TJP2: variants seen among roughly 807,000 people sequenced by gnomAD.
TJP2 encodes the protein Friedreich ataxia region gene X104 (tight junction protein ZO-2).
TJP2 carries 91 observed loss-of-function variants against 133.1 expected under a neutral mutation model. The ratio of observed to expected loss-of-function variants is 0.68; its 90% confidence interval spans 0.58 to 0.81. TJP2 has a LOEUF of 0.81. Ranked by LOEUF, TJP2 falls within the 40% of genes least tolerant of loss-of-function variation. The pLI is 0.00. For missense variants in TJP2, 1,541 were observed against 1,565.6 expected, an observed-to-expected ratio of 0.98 and a Z score of 0.26; for synonymous variants, 592 against 583.4, an observed-to-expected ratio of 1.01 and a Z score of -0.21.
chr9:69,188,723 T>G (rs7850766), intron 1 of TJP2, among the ~76,000 whole-genome samples: 1 of 151,894 alleles, frequency 6.6e-6, no homozygotes, highest in East Asian at 1.9e-4. Context: ...AGGTATTAAG[T>G]GATTATGTAT....
intron 1 of TJP2, among the ~76,000 whole-genome samples, chr9:69,151,452 C>T (rs957902480): frequency 5.3e-5 from 6 of 113,560 alleles, no homozygotes; most frequent in African/African-American, 1.8e-4. Context: ...TGCACTCTAG[C>T]CTGGGCAACA....
chr9:69,224,499 G>A (rs1378344716), intron 5 of TJP2, among the ~76,000 whole-genome samples: 2 of 152,108 alleles, frequency 1.3e-5, no homozygotes, highest in Admixed American at 1.3e-4. Flanking sequence ...CCTACATGGT[G>A]AAACCCTGTC....
chr9:69,232,512 C>T (rs1375897411), intron 11 of TJP2, among the ~76,000 whole-genome samples: 2 of 152,140 alleles, frequency 1.3e-5, no homozygotes, highest in Non-Finnish European at 2.9e-5. Flanking sequence ...TGTTTCAATG[C>T]TCCTTTTCAT....
intron 2 of TJP2, among the ~76,000 whole-genome samples, chr9:69,153,424 A>G (rs1823586778): frequency 6.6e-6 from 1 of 152,130 alleles, no homozygotes; most frequent in African/African-American, 2.4e-5. Context: ...CTCTGCAAAA[A>G]ATACAAAATA....
At chr9:69,150,789 A>C (rs189744893) in intron 1 of TJP2, among the ~76,000 whole-genome samples, 160 of 152,344 alleles carry the variant, frequency 1.1e-3, no homozygotes, top group Middle Eastern at 6.8e-3. Flanking sequence ...TTCTGAGAGA[A>C]ATGAAAACAT....
intron 1 of TJP2, among the ~76,000 whole-genome samples, chr9:69,193,526 AC>A (rs968219091): frequency 1.0e-4 from 15 of 148,548 alleles, no homozygotes; most frequent in Non-Finnish European, 1.6e-4. Flanking sequence ...AAAAAAAAAA[AC>A]GTCAGCCCAT....
intron 1 of TJP2, among the ~76,000 whole-genome samples, chr9:69,201,691 A>G (rs1827006173): frequency 6.6e-6 from 1 of 152,220 alleles, no homozygotes; most frequent in African/African-American, 2.4e-5. Flanking sequence ...TATAGCCAAG[A>G]GGTGAAAGTA....
At chr9:69,233,050 T>C (rs1214426856) in intron 11 of TJP2, among the ~76,000 whole-genome samples, 1 of 152,188 alleles carries the variant, frequency 6.6e-6, no homozygotes. Context: ...TATATGTAGA[T>C]ACAGATGTAG....
chr9:69,200,312 T>TA (rs776555278), intron 1 of TJP2, among the ~76,000 whole-genome samples: 9 of 152,280 alleles, frequency 5.9e-5, no homozygotes, highest in East Asian at 5.8e-4. Flanking sequence ...GGTTGGGACA[T>TA]ACCTCCCTCC....
chr9:69,191,836 A>G (rs1826223977), intron 1 of TJP2, among the ~76,000 whole-genome samples: 1 of 151,866 alleles, frequency 6.6e-6, no homozygotes, highest in Non-Finnish European at 1.5e-5. Flanking sequence ...TCCCAGGTTC[A>G]AGCGATTTTC....
chr9:69,205,942 C>A (rs1313932543), intron 1 of TJP2, among the ~76,000 whole-genome samples: 1 of 151,882 alleles, frequency 6.6e-6, no homozygotes, highest in Admixed American at 6.6e-5. Context: ...AGGATTTTTA[C>A]CTATCTGGCC....
Position 69,205,370 on chromosome 9 carries a change from T to C in TJP2, c.61-7178T>C, listed in dbSNP as rs953972471. 3.4e-6 allele frequency: 5 copies of C among 1,486,022 alleles called. No homozygotes were observed. The East Asian group carries it at 9.9e-5, about 29-fold the overall frequency. The allele number at this position is 1,486,022 out of a possible 1,614,324, so 92.1% of individuals were successfully genotyped here. A position where few individuals can be genotyped will look rare whatever the true frequency, so the allele number is the denominator to read the frequency against. On this transcript the variant is annotated intron_variant, in intron 1 of 22. Coordinates refer to ENST00000377245, the MANE Select transcript of TJP2 (RefSeq NM_004817.4). ...CTTCTGGCATCTTTCAGCAACAAAT[T>C]GTGAGATTGTAGGTTGTAGTCACTG...
intron 11 of TJP2, among the ~76,000 whole-genome samples, chr9:69,232,582 G>A: frequency 6.6e-6 from 1 of 152,132 alleles, no homozygotes; most frequent in Non-Finnish European, 1.5e-5. Flanking sequence ...ATTCTGTTGT[G>A]GGGTTTTTAA....
At chr9:69,236,443 G>C (rs1312423160) in intron 13 of TJP2, among the ~76,000 whole-genome samples, 1 of 152,146 alleles carries the variant, frequency 6.6e-6, no homozygotes, top group Admixed American at 6.5e-5. Flanking sequence ...CATGTGGTTG[G>C]TTGCTGAATG....
chr9:69,166,624 G>A (rs914654445), intron 2 of TJP2, among the ~76,000 whole-genome samples: 4 of 151,738 alleles, frequency 2.6e-5, no homozygotes, highest in East Asian at 2.0e-4. Flanking sequence ...ACAGGCATGC[G>A]CCACCATTCC....
At chr9:69,224,081 G>T (rs1422094640) in intron 5 of TJP2, among the ~76,000 whole-genome samples, 1 of 152,204 alleles carries the variant, frequency 6.6e-6, no homozygotes, top group Non-Finnish European at 1.5e-5. Flanking sequence ...GTCTTAAGTA[G>T]CATTGAAAGT....
At chr9:69,179,438 T>G (rs1007674976) in intron 1 of TJP2, among the ~76,000 whole-genome samples, 8 of 152,220 alleles carry the variant, frequency 5.3e-5, no homozygotes, top group African/African-American at 1.4e-4. Flanking sequence ...CTATTTTGTT[T>G]TCCTACAGTT....
At chr9:69,225,042 C>T (rs971726542) in intron 5 of TJP2, among the ~76,000 whole-genome samples, 19 of 152,170 alleles carry the variant, frequency 1.2e-4, no homozygotes, top group African/African-American at 4.6e-4. Context: ...ATTCTTCCCC[C>T]ACCCTCCACT....
chr9:69,129,959 G>A (rs548170555), intron 1 of TJP2, among the ~76,000 whole-genome samples: 2 of 144,758 alleles, frequency 1.4e-5, no homozygotes, highest in African/African-American at 5.1e-5. Flanking sequence ...AGGTTGCAGT[G>A]AGCCAAGATC....
Sources: gnomAD v4.1 joint callset for allele counts (sites outside exome capture counted in the v4.1 genomes callset) on GRCh38, gnomAD v4.1.1 for gene constraint, MANE v1.5 for transcripts, NCBI Gene and HGNC (gene_info 2026-07-23, HGNC 2026-07-21) for gene names.